Variants in CADM2 observed in about 807,000 individuals in gnomAD.
The protein encoded by CADM2 is cell adhesion molecule 2, also known as immunoglobulin superfamily member 4D.
A neutral mutation model predicts 49.8 loss-of-function variants in CADM2; 12 were observed. That is an observed-to-expected ratio of 0.24 (90% CI 0.15 to 0.39). The LOEUF (loss-of-function observed/expected upper bound fraction) is 0.39. CADM2 is among the 10% of genes least tolerant of loss of function. The pLI, the probability that CADM2 is intolerant of heterozygous loss-of-function variation, is 1.00. For synonymous variants in CADM2, 214 were observed against 175.4 expected (o/e 1.22, Z -1.74); for missense variants, 378 against 492.3 (o/e 0.77, Z 2.20).
chr3:85,359,666 A>ATATATATTTTTTTTTT, intron 1 of CADM2, among the ~76,000 whole-genome samples: 7 of 26,550 alleles, frequency 2.6e-4, no homozygotes, highest in South Asian at 1.4e-3. Context: ...ATATATATAT[A>ATATATATTTTTTTTTT]TTTTTTTTTT....
intron 1 of CADM2, among the ~76,000 whole-genome samples, chr3:85,622,643 G>A (rs1442449570): frequency 2.0e-5 from 3 of 151,898 alleles, no homozygotes; most frequent in African/African-American, 7.3e-5. Flanking sequence ...AACAACTTTT[G>A]GCCTGAAACT....
intron 1 of CADM2, among the ~76,000 whole-genome samples, chr3:85,300,628 G>A (rs1034382636): frequency 2.0e-5 from 3 of 152,094 alleles, no homozygotes; most frequent in Non-Finnish European, 2.9e-5. Context: ...TAGAGGTCAA[G>A]TTGCTATGTG....
chr3:85,366,134 C>CA (rs1189769742), intron 1 of CADM2, among the ~76,000 whole-genome samples: 1 of 152,144 alleles, frequency 6.6e-6, no homozygotes, highest in Non-Finnish European at 1.5e-5. Flanking sequence ...GCAGATGTAT[C>CA]ATGAAAATTA....
intron 1 of CADM2, among the ~76,000 whole-genome samples, chr3:85,378,343 G>T (rs1374404992): frequency 6.6e-6 from 1 of 151,976 alleles, no homozygotes; most frequent in Non-Finnish European, 1.5e-5. Context: ...TTTTGTTCCT[G>T]CAGGAGGCTC....
At chr3:85,695,487 G>A (rs1227848177) in intron 1 of CADM2, among the ~76,000 whole-genome samples, 3 of 151,770 alleles carry the variant, frequency 2.0e-5, no homozygotes, top group Non-Finnish European at 2.9e-5. Context: ...TTAGGATAAT[G>A]GCCTCCAGTT....
chr3:85,000,114 T>TTCTCTCTCTCTCTCTCTCTC (rs59094520), intron 1 of CADM2, among the ~76,000 whole-genome samples: 96 of 136,892 alleles, frequency 7.0e-4, no homozygotes, highest in Admixed American at 4.8e-3. Flanking sequence ...TGCTTCTACT[T>TTCTCTCTCTCTCTCTCTCTC]TCTCTCTCTC....
At chr3:85,059,224 G>C (rs1012363143) in intron 1 of CADM2, among the ~76,000 whole-genome samples, 2 of 151,494 alleles carry the variant, frequency 1.3e-5, no homozygotes, top group Non-Finnish European at 2.9e-5. Flanking sequence ...GAGTGACAGA[G>C]AGAGACTATG....
At chr3:85,079,429 A>G (rs966628617) in intron 1 of CADM2, among the ~76,000 whole-genome samples, 1 of 151,820 alleles carries the variant, frequency 6.6e-6, no homozygotes, top group Non-Finnish European at 1.5e-5. Context: ...CCTTCCTTTA[A>G]TTGTAGAAGG....
chr3:85,453,236 A>T (rs1397454570), intron 1 of CADM2, among the ~76,000 whole-genome samples: 3 of 152,084 alleles, frequency 2.0e-5, no homozygotes, highest in Admixed American at 1.3e-4. Context: ...TCATGTAAGT[A>T]TATATGTAGT....
At chr3:85,917,811 T>A (rs953743617) in intron 6 of CADM2, among the ~76,000 whole-genome samples, 3 of 152,200 alleles carry the variant, frequency 2.0e-5, no homozygotes, top group African/African-American at 2.4e-5. Context: ...CACGGAGTGT[T>A]CTTCCATTTG....
chr3:85,260,940 C>A (rs2043001622), intron 1 of CADM2, among the ~76,000 whole-genome samples: 2 of 152,206 alleles, frequency 1.3e-5, no homozygotes, highest in African/African-American at 2.4e-5. Flanking sequence ...AGAAATCTTA[C>A]AATTAGCCGT....
chr3:85,043,374 A>G (rs569204428), intron 1 of CADM2, among the ~76,000 whole-genome samples: 3 of 152,088 alleles, frequency 2.0e-5, no homozygotes, highest in Admixed American at 2.0e-4. Context: ...ATGGGCCCGT[A>G]TATGACCATG....
chr3:85,583,349 C>G (rs1388949389), intron 1 of CADM2, among the ~76,000 whole-genome samples: 1 of 152,098 alleles, frequency 6.6e-6, no homozygotes, highest in Non-Finnish European at 1.5e-5. Context: ...TCACCATATT[C>G]ACACTGTTGT....
intron 1 of CADM2, among the ~76,000 whole-genome samples, chr3:85,137,602 C>A (rs1355708443): frequency 6.6e-6 from 1 of 151,982 alleles, no homozygotes; most frequent in East Asian, 1.9e-4. Context: ...AATATAAATA[C>A]TAATTTTCAC....
At position 85,005,728 on chromosome 3, in the gene CADM2, C is replaced by G. The variant is rs371541449; in HGVS notation, c.61+46060C>G. Reference sequence around the variant, plus strand: ...TACAGTTTTTTTTTCTTTTATACATCTGATTTTCACTGACCTGATTTGGAT... The same window carrying G: ...TACAGTTTTTTTTTCTTTTATACATGTGATTTTCACTGACCTGATTTGGAT... On this transcript the variant is annotated intron_variant, in intron 1 of 9. Transcript: ENST00000383699. Among the ~76,000 whole-genome samples, 3 of 150,270 alleles carry G rather than the reference C, an allele frequency of 2.0e-5. No individual in the cohort carries two copies. In the East Asian group the frequency reaches 5.8e-4, roughly 29 times the overall value.
intron 1 of CADM2, among the ~76,000 whole-genome samples, chr3:85,228,450 G>T (rs1271141017): frequency 7.3e-5 from 11 of 151,482 alleles, no homozygotes; most frequent in Admixed American, 3.3e-4. Context: ...CATCTTTGTG[G>T]TTTTATCTAC....
At chr3:85,620,388 A>G (rs1576950052) in intron 1 of CADM2, among the ~76,000 whole-genome samples, 1 of 152,204 alleles carries the variant, frequency 6.6e-6, no homozygotes, top group East Asian at 1.9e-4. Flanking sequence ...ACAAATATAC[A>G]CTTACGTATA....
intron 1 of CADM2, among the ~76,000 whole-genome samples, chr3:85,242,419 T>C (rs971315050): frequency 6.6e-6 from 1 of 151,634 alleles, no homozygotes; most frequent in African/African-American, 2.4e-5. Context: ...AAGAGCATCA[T>C]GAAATCTACA....
intron 1 of CADM2, among the ~76,000 whole-genome samples, chr3:84,962,856 A>G (rs967646498): frequency 6.6e-6 from 1 of 152,116 alleles, no homozygotes; most frequent in Non-Finnish European, 1.5e-5. Flanking sequence ...GTTTTAACTG[A>G]CTGTATTTTA....
Sources: allele counts gnomAD v4.1 joint callset (sites outside exome capture counted in the v4.1 genomes callset), GRCh38; gene constraint gnomAD v4.1.1; transcripts MANE v1.5; gene names NCBI Gene and HGNC (gene_info 2026-07-23, HGNC 2026-07-21).